Variants in SGPP1 observed in about 807,000 individuals in gnomAD.
SGPP1 encodes the protein sphingosine-1-phosphate phosphatase 1.
Under a neutral mutation model 33.0 loss-of-function variants are expected in SGPP1, and 21 were observed. That is an observed-to-expected ratio of 0.64 (90% CI 0.45 to 0.92). The LOEUF is 0.92. SGPP1 is among the 40% of genes least tolerant of loss of function. The pLI, the probability that SGPP1 is intolerant of heterozygous loss-of-function variation, is 0.00. For synonymous variants in SGPP1, 239 were observed against 241.2 expected, an observed-to-expected ratio of 0.99 and a Z score of 0.08; for missense variants, 543 against 589.4, an observed-to-expected ratio of 0.92 and a Z score of 0.81.
At position 63,716,716 on chromosome 14, in the gene SGPP1, T is replaced by C. The variant is rs1318340301; in HGVS notation, c.684+10545A>G. ...AATAATACTTTTTTTTTTTTTGAGA[T>C]AGAGTCTCACGCTGTCACCCAGGCT... On this transcript the variant is annotated intron_variant, in intron 1 of 2. Transcript: ENST00000247225. Among the ~76,000 whole-genome samples, 11 of 150,814 alleles carry C rather than the reference T, an allele frequency of 7.3e-5. No homozygotes were observed. The East Asian group carries it at 2.0e-3, about 27-fold the overall frequency.
intron 1 of SGPP1, among the ~76,000 whole-genome samples, chr14:63,709,591 T>C (rs1057421325): frequency 2.6e-5 from 4 of 152,188 alleles, no homozygotes; most frequent in African/African-American, 9.6e-5. Context: ...TTCATTTTCA[T>C]AGAGAATGTT....
chr14:63,692,367 G>A (rs1399094759), intron 2 of SGPP1, among the ~76,000 whole-genome samples: 1 of 152,138 alleles, frequency 6.6e-6, no homozygotes, highest in African/African-American at 2.4e-5. Context: ...TTACATTGAA[G>A]GTACTTGACA....
intron 2 of SGPP1, among the ~76,000 whole-genome samples, chr14:63,697,446 G>A (rs553256008): frequency 2.6e-5 from 4 of 152,278 alleles, no homozygotes; most frequent in Admixed American, 2.6e-4. Context: ...AGAATTCCAT[G>A]AATTCTTCCA....
At chr14:63,723,163 T>C (rs1306602942) in intron 1 of SGPP1, among the ~76,000 whole-genome samples, 1 of 152,182 alleles carries the variant, frequency 6.6e-6, no homozygotes, top group African/African-American at 2.4e-5. Context: ...GTTTATCTTA[T>C]TCTTCAAAGG....
At chr14:63,725,714 A>ATT (rs1470787192) in intron 1 of SGPP1, among the ~76,000 whole-genome samples, 22 of 152,214 alleles carry the variant, frequency 1.4e-4, no homozygotes, top group Non-Finnish European at 1.2e-4. Context: ...TCCAGTTAGT[A>ATT]TGTGTCCAGA....
intron 2 of SGPP1, among the ~76,000 whole-genome samples, chr14:63,689,066 T>C (rs1047648739): frequency 6.6e-6 from 1 of 152,158 alleles, no homozygotes; most frequent in African/African-American, 2.4e-5. Context: ...AACAGACTAG[T>C]TGCTTGATGT....
At position 63,727,957 on chromosome 14, in the gene SGPP1, C is replaced by A; in HGVS notation, c.-13G>T. 6.5e-7 allele frequency: 1 copy of A among 1,540,190 alleles called. No individual in the cohort carries two copies. Among genetic ancestry groups the A allele is most frequent in the Non-Finnish European group, 8.7e-7 (1 of 1,152,798 alleles). ...GCCTCAGCGACATGATAACGGAACC[C>A]CCGGGAAGGCGGGCCGGCCTCCGGC... On this transcript the variant is annotated 5_prime_UTR_variant, in exon 1 of 3. Coordinates refer to ENST00000247225, the MANE Select transcript of SGPP1 (RefSeq NM_030791.4).
chr14:63,709,531 C>T (rs887890238), intron 1 of SGPP1, among the ~76,000 whole-genome samples: 3 of 152,082 alleles, frequency 2.0e-5, no homozygotes, highest in Non-Finnish European at 2.9e-5. Context: ...TTTATCATTA[C>T]ACAAATGGGT....
rs1368265150 is a variant in SGPP1 at position 63,728,044 on chromosome 14, C to G, written c.-100G>C. On this transcript the variant is annotated 5_prime_UTR_variant, in exon 1 of 3. Coordinates refer to ENST00000247225, the MANE Select transcript of SGPP1 (RefSeq NM_030791.4). ...CAGCGGAACCGGCACAGCGCTCTAC[C>G]CTCCGGAGTCTGCCGGGTGACGGCG... 1 of 1,217,746 alleles carries G rather than the reference C, an allele frequency of 8.2e-7. No homozygotes were observed. The highest frequency in any genetic ancestry group is 3.2e-5 in the East Asian group (1 of 31,104). 75.4% of individuals were successfully genotyped at this position (1,217,746 alleles called of 1,614,324 possible). A position where few individuals can be genotyped will look rare whatever the true frequency, so the allele number is the denominator to read the frequency against.
chr14:63,702,516 C>T (rs565489712), intron 1 of SGPP1, among the ~76,000 whole-genome samples: 1 of 152,166 alleles, frequency 6.6e-6, no homozygotes, highest in African/African-American at 2.4e-5. Flanking sequence ...TTGAGACCAG[C>T]CTGGCCAACA....
chr14:63,716,435 A>C (rs1885628391), intron 1 of SGPP1, among the ~76,000 whole-genome samples: 1 of 152,090 alleles, frequency 6.6e-6, no homozygotes, highest in South Asian at 2.1e-4. Context: ...TGGAGGTTGC[A>C]GTGAGCCAAT....
Position 63,713,563 on chromosome 14 carries a change from T to C in SGPP1, c.684+13698A>G, listed in dbSNP as rs139494801. ...GTTGAAATCCCAAAAGATCAAAATC[T>C]CTAAAGTCTAAAATCTCTAATATCT... On this transcript the variant is annotated intron_variant, in intron 1 of 2. Transcript: ENST00000247225. Among the ~76,000 whole-genome samples, 656 of 152,230 alleles carry C rather than the reference T, an allele frequency of 4.3e-3. 7 individuals carry two copies. The highest frequency in any genetic ancestry group is 0.015 in the African/African-American group (603 of 41,554).
Position 63,686,529 on chromosome 14 carries a change from G to A in SGPP1, c.902C>T (p.Ala301Val). 1 of 1,614,088 alleles carries A rather than the reference G, an allele frequency of 6.2e-7. No individual in the cohort carries two copies. Among genetic ancestry groups the A allele is most frequent in the African/African-American group, 1.3e-5 (1 of 75,044 alleles). ...APFIIIGLHL[A>V]LGIFSFTLDT... is the part of the protein sequence containing the mutation. ...AAGAGTGAAAGAAAAGATCCCCAAA[G>A]CTAAATGAAGCCCGATGATGATGAA... is the stretch of plus-strand genomic sequence containing the variant. The change falls in exon 3 of 3, where the codon GCT becomes GTT. Residue 301 changes from alanine (A) to valine (V), a missense_variant. Transcript: ENST00000247225.
rs550990870 is a variant in SGPP1, at chr14:63,684,714, A to G, written c.*1391T>C. The G allele has an allele frequency of 6.6e-6, 1 of 152,600 alleles. No homozygotes were observed. Among genetic ancestry groups the G allele is most frequent in the South Asian group, 2.1e-4 (1 of 4,828 alleles). 9.5% of individuals were successfully genotyped at this position (152,600 alleles called of 1,614,324 possible). ...GGAAAGTTAATCTCTTCTTTATGAAAAACTTTCTACAAATACACTTACTAT... is the reference window on the plus strand; with the variant it reads ...GGAAAGTTAATCTCTTCTTTATGAAGAACTTTCTACAAATACACTTACTAT... On this transcript the variant is annotated 3_prime_UTR_variant, in exon 3 of 3. Coordinates refer to ENST00000247225, the MANE Select transcript of SGPP1 (RefSeq NM_030791.4).
intron 2 of SGPP1, among the ~76,000 whole-genome samples, chr14:63,689,498 A>G (rs1009929773): frequency 2.6e-5 from 4 of 152,052 alleles, no homozygotes; most frequent in African/African-American, 9.7e-5. Flanking sequence ...TCTTCAAGCA[A>G]AATATTATCT....
intron 2 of SGPP1, among the ~76,000 whole-genome samples, chr14:63,695,437 C>T (rs371603905): frequency 1.3e-5 from 2 of 152,182 alleles, no homozygotes; most frequent in African/African-American, 4.8e-5. Context: ...TTTCTGACAA[C>T]AAAATGTATT....
chr14:63,717,390 C>T (rs1255430211), intron 1 of SGPP1, among the ~76,000 whole-genome samples: 1 of 150,160 alleles, frequency 6.7e-6, no homozygotes, highest in African/African-American at 2.5e-5. Context: ...TATCCGTTAT[C>T]GGCTCACTGC....
chr14:63,686,308 A>G lies in SGPP1; in HGVS notation c.1123T>C (p.Phe375Leu), dbSNP rs1884972552. The G allele has an allele frequency of 6.2e-7, 1 of 1,614,108 alleles. No individual in the cohort carries two copies. The highest frequency in any genetic ancestry group is 1.7e-5 in the Admixed American group (1 of 60,014). Residue 375 changes from phenylalanine (F) to leucine (L), a missense_variant, in exon 3 of 3, where the codon TTT (phenylalanine) becomes CTT (leucine). Coordinates refer to ENST00000247225, the MANE Select transcript of SGPP1 (RefSeq NM_030791.4). ...AILRILIGMV[F>L]VLIIRDVMKK... is the part of the protein sequence containing the mutation. ...ATTACATCTCTGATTATTAGTACAA[A>G]TACCATCCCTATGAGGATCCGCAAT...
At chr14:63,725,340 C>G (rs982997809) in intron 1 of SGPP1, among the ~76,000 whole-genome samples, 2 of 152,240 alleles carry the variant, frequency 1.3e-5, no homozygotes, top group African/African-American at 2.4e-5. Context: ...CACCACTGCA[C>G]TCCAGCCTGG....
Sources: gnomAD v4.1 joint callset for allele counts (sites outside exome capture counted in the v4.1 genomes callset) on GRCh38, gnomAD v4.1.1 for gene constraint, MANE v1.5 for transcripts, NCBI Gene and HGNC (gene_info 2026-07-23, HGNC 2026-07-21) for gene names.